Variants in CNTNAP4 observed in about 807,000 individuals in gnomAD.
CNTNAP4 encodes the protein contactin associated protein family member 4.
In CNTNAP4, 98 loss-of-function variants were observed where a neutral mutation model predicts 148.4. The ratio of observed to expected loss-of-function variants is 0.66; its 90% confidence interval spans 0.56 to 0.78. The LOEUF (loss-of-function observed/expected upper bound fraction) is 0.78. Among genes scored for constraint, CNTNAP4 ranks in the 30% least tolerant of loss-of-function variants. The pLI, the probability that CNTNAP4 is intolerant of heterozygous loss-of-function variation, is 0.00. For missense variants in CNTNAP4, 1,935 were observed against 1,565.6 expected (o/e 1.24, Z -3.98); for synonymous variants, 730 against 565.1 (o/e 1.29, Z -4.14).
At chr16:76,367,734 A>C (rs2014323125) in intron 3 of CNTNAP4, among the ~76,000 whole-genome samples, 1 of 152,188 alleles carries the variant, frequency 6.6e-6, no homozygotes, top group South Asian at 2.1e-4. Flanking sequence ...GGTGTTATTG[A>C]ACAACTTTTA....
intron 1 of CNTNAP4, among the ~76,000 whole-genome samples, chr16:76,305,229 A>C (rs986665988): frequency 6.6e-6 from 1 of 152,172 alleles, no homozygotes; most frequent in African/African-American, 2.4e-5. Flanking sequence ...AATTTTCTCT[A>C]TGTCTGTGAC....
intron 8 of CNTNAP4, among the ~76,000 whole-genome samples, chr16:76,457,884 T>C (rs1307963629): frequency 6.6e-6 from 1 of 150,542 alleles, no homozygotes; most frequent in Non-Finnish European, 1.5e-5. Context: ...TGGGTTTCAA[T>C]TGAACCCATT....
At chr16:76,452,119 T>C (rs978310696) in intron 7 of CNTNAP4, among the ~76,000 whole-genome samples, 3 of 151,560 alleles carry the variant, frequency 2.0e-5, no homozygotes, top group African/African-American at 7.3e-5. Context: ...TATGGGTTAG[T>C]GTAGTTTGCT....
At chr16:76,468,453 G>A (rs1390461943) in intron 10 of CNTNAP4, among the ~76,000 whole-genome samples, 5 of 151,996 alleles carry the variant, frequency 3.3e-5, no homozygotes, top group African/African-American at 7.2e-5. Context: ...CAGCCTGGGC[G>A]ACAGAGCGAG....
intron 3 of CNTNAP4, among the ~76,000 whole-genome samples, chr16:76,365,890 A>G (rs1253212983): frequency 2.6e-5 from 4 of 152,230 alleles, no homozygotes; most frequent in South Asian, 4.1e-4. Context: ...TACATGGACA[A>G]TGTAAAAGAA....
chr16:76,280,911 G>A (rs1007930260), intron 1 of CNTNAP4, among the ~76,000 whole-genome samples: 5 of 152,120 alleles, frequency 3.3e-5, no homozygotes, highest in African/African-American at 7.2e-5. Flanking sequence ...AGGCTGATAA[G>A]AGTTTGCTTT....
chr16:76,497,276 TTAAA>T (rs1235172718), intron 14 of CNTNAP4, among the ~76,000 whole-genome samples: 1 of 152,178 alleles, frequency 6.6e-6, no homozygotes, highest in Non-Finnish European at 1.5e-5. Context: ...GGGAGCAGCG[TTAAA>T]TGAATTATGT....
chr16:76,452,855 T>G, intron 8 of CNTNAP4, 86 bp downstream of exon 8: 1 of 1,202,734 alleles, frequency 8.3e-7, no homozygotes, highest in East Asian at 2.6e-5. Flanking sequence ...TAACCAAAAA[T>G]GTAATATTTG....
intron 21 of CNTNAP4, among the ~76,000 whole-genome samples, chr16:76,541,570 T>G (rs913974356): frequency 6.6e-6 from 1 of 152,332 alleles, no homozygotes; most frequent in South Asian, 2.1e-4. Flanking sequence ...ATCTGAAATA[T>G]TTTGTCCAAG....
rs982608113 is a variant in CNTNAP4 at position 76,469,157 on chromosome 16, G to T, written c.1655+1634G>T. On this transcript the variant is annotated intron_variant, in intron 10 of 23. Transcript: ENST00000611870. Reference sequence around the variant, plus strand: ...ATAATAACCATATTCAGCAATAAGAGTGGCAGGACATAATTTCCTCCCCAC... The same window carrying T: ...ATAATAACCATATTCAGCAATAAGATTGGCAGGACATAATTTCCTCCCCAC... Among the ~76,000 whole-genome samples, 11 of 152,264 alleles carry T rather than the reference G, an allele frequency of 7.2e-5. No individual in the cohort carries two copies. The East Asian group carries it at 2.1e-3, about 29-fold the overall frequency.
intron 3 of CNTNAP4, among the ~76,000 whole-genome samples, chr16:76,357,073 A>ACC (rs2012766083): frequency 6.6e-6 from 1 of 151,476 alleles, no homozygotes; most frequent in African/African-American, 2.4e-5. Context: ...ACACACACAC[A>ACC]CACACACACC....
At chr16:76,355,099 G>T (rs2012400295) in intron 2 of CNTNAP4, among the ~76,000 whole-genome samples, 1 of 151,926 alleles carries the variant, frequency 6.6e-6, no homozygotes, top group Admixed American at 6.6e-5. Flanking sequence ...AGTTTTAGAA[G>T]GCTATAAAAT....
chr16:76,430,967 A>T (rs955882441), intron 4 of CNTNAP4, among the ~76,000 whole-genome samples: 26 of 152,184 alleles, frequency 1.7e-4, no homozygotes, highest in African/African-American at 6.0e-4. Context: ...GGTATGGGGT[A>T]TAGGGAGATA....
intron 9 of CNTNAP4, among the ~76,000 whole-genome samples, chr16:76,467,079 A>C (rs978602760): frequency 6.6e-6 from 1 of 152,274 alleles, no homozygotes; most frequent in African/African-American, 2.4e-5. Flanking sequence ...TCTGGAGCCA[A>C]TGTTTATATT....
chr16:76,503,700 C>T (rs2082735675), intron 15 of CNTNAP4, among the ~76,000 whole-genome samples: 1 of 151,674 alleles, frequency 6.6e-6, no homozygotes, highest in South Asian at 2.1e-4. Flanking sequence ...CACAACAGGC[C>T]CCGGTGTGTG....
chr16:76,382,905 G>C (rs1002150643), intron 3 of CNTNAP4, among the ~76,000 whole-genome samples: 5 of 152,170 alleles, frequency 3.3e-5, no homozygotes, highest in Non-Finnish European at 7.4e-5. Context: ...AAAGGACTCA[G>C]TGGTTAATTT....
chr16:76,279,825 C>T (rs1307153115), intron 1 of CNTNAP4, among the ~76,000 whole-genome samples: 2 of 152,100 alleles, frequency 1.3e-5, no homozygotes, highest in Non-Finnish European at 2.9e-5. Flanking sequence ...TTTCATTTCT[C>T]AATTTCTATT....
At chr16:76,303,101 T>C (rs1960151929) in intron 1 of CNTNAP4, among the ~76,000 whole-genome samples, 1 of 152,198 alleles carries the variant, frequency 6.6e-6, no homozygotes, top group Non-Finnish European at 1.5e-5. Context: ...CCTTGCTTGA[T>C]TATGAAATCA....
chr16:76,553,341 CCT>C lies in CNTNAP4; in HGVS notation c.3506_3507del (p.Ser1169CysfsTer30). 1 of 1,613,092 alleles carries C rather than the reference CCT, an allele frequency of 6.2e-7. No homozygotes were observed. ...LAGAQGFTGC[L>X]SAVQLSHVAP... The stretch of plus-strand genomic sequence containing the variant: ...CAGGTGCGCAGGGCTTCACAGGCTG[CCT>C]CTCTGCAGTGCAGCTCAGCCACGTG... On this transcript the variant is annotated frameshift_variant, in exon 22 of 24. Coordinates refer to ENST00000611870, the MANE Select transcript of CNTNAP4 (RefSeq NM_033401.5). LOFTEE classifies it high-confidence loss of function.
Sources: allele counts gnomAD v4.1 joint callset (sites outside exome capture counted in the v4.1 genomes callset), GRCh38; gene constraint gnomAD v4.1.1; transcripts MANE v1.5; gene names NCBI Gene and HGNC (gene_info 2026-07-23, HGNC 2026-07-21).